Variants in RASGRF2 observed in about 807,000 individuals in gnomAD.
The protein encoded by RASGRF2 is Ras protein specific guanine nucleotide releasing factor 2.
RASGRF2 carries 76 observed loss-of-function variants against 151.0 expected under a neutral mutation model. That is an observed-to-expected ratio of 0.50 (90% CI 0.42 to 0.61). RASGRF2 has a LOEUF of 0.61. Ranked by LOEUF, RASGRF2 falls within the 20% of genes least tolerant of loss-of-function variation. The probability of loss-of-function intolerance (pLI) is 0.00; values close to 1 mark genes in which losing one functional copy is unlikely to be tolerated. For synonymous variants in RASGRF2, 504 were observed against 566.5 expected, an observed-to-expected ratio of 0.89 and a Z score of 1.57; for missense variants, 1,148 against 1,564.6, an observed-to-expected ratio of 0.73 and a Z score of 4.49.
chr5:81,104,498 G>T (rs1422175505), intron 12 of RASGRF2, among the ~76,000 whole-genome samples: 3 of 151,864 alleles, frequency 2.0e-5, no homozygotes, highest in African/African-American at 2.4e-5. Context: ...CATCGTTTTT[G>T]TGATAATTTT....
At chr5:81,184,090 CT>C (rs1754974405) in intron 18 of RASGRF2, among the ~76,000 whole-genome samples, 1 of 152,194 alleles carries the variant, frequency 6.6e-6, no homozygotes, top group South Asian at 2.1e-4. Context: ...AATGTTTCCA[CT>C]GTTCATTCTC....
At chr5:81,083,084 C>T (rs1258131845) in intron 7 of RASGRF2, among the ~76,000 whole-genome samples, 1 of 152,166 alleles carries the variant, frequency 6.6e-6, no homozygotes, top group East Asian at 1.9e-4. Context: ...CCTTACTAAG[C>T]TCACTCTCTC....
chr5:81,035,670 G>A (rs1290863430), intron 1 of RASGRF2, among the ~76,000 whole-genome samples: 1 of 151,902 alleles, frequency 6.6e-6, no homozygotes, highest in Non-Finnish European at 1.5e-5. Context: ...GCTAGATACA[G>A]CTGAATAGAG....
chr5:81,208,385 G>A lies in RASGRF2; in HGVS notation c.3103G>A (p.Asp1035Asn), dbSNP rs753109739. ...EFLGQGWMKL[D>N]KNERTPYIMK... The stretch of plus-strand genomic sequence containing the variant: ...TCTTGGGCAGGGGTGGATGAAGCTG[G>A]ATAAAAACGAAAGAACTCCTTACAT... Residue 1035 changes from aspartate to asparagine, a missense_variant, in exon 22 of 27, where the codon GAT becomes AAT. By Grantham distance (23) the Asp-to-Asn change is conservative. This residue lies in a region of RASGRF2 where 646 missense variants were observed against 807.4 expected (regional missense o/e 0.80). Transcript: ENST00000265080. The A allele has an allele frequency of 3.8e-5, 61 of 1,612,530 alleles. No individual in the cohort carries two copies. The highest frequency in any genetic ancestry group is 5.2e-5 in the Non-Finnish European group (61 of 1,179,230).
intron 23 of RASGRF2, among the ~76,000 whole-genome samples, chr5:81,214,752 G>A (rs902451059): frequency 6.6e-6 from 1 of 152,176 alleles, no homozygotes; most frequent in Admixed American, 6.6e-5. Flanking sequence ...CAGCCACGCT[G>A]CCTGGATGTG....
At chr5:81,140,437 G>C (rs1270724526) in intron 17 of RASGRF2, among the ~76,000 whole-genome samples, 5 of 146,910 alleles carry the variant, frequency 3.4e-5, no homozygotes, top group South Asian at 2.2e-4. Flanking sequence ...CACACACACA[G>C]ACACACACAT....
chr5:81,126,477 T>C (rs568781444), intron 16 of RASGRF2, among the ~76,000 whole-genome samples: 1 of 152,298 alleles, frequency 6.6e-6, no homozygotes, highest in African/African-American at 2.4e-5. Flanking sequence ...ATAACCACTA[T>C]TTAATTCTAG....
chr5:81,005,698 AC>A (rs1428714574), intron 1 of RASGRF2, among the ~76,000 whole-genome samples: 1 of 152,212 alleles, frequency 6.6e-6, no homozygotes, highest in Admixed American at 6.5e-5. Context: ...GCTGCTGTGA[AC>A]ATTCGTGTAG....
At position 81,102,485 on chromosome 5, in the gene RASGRF2, A is replaced by G. The variant is rs1279212859; in HGVS notation, c.1756-6511A>G. Among the ~76,000 whole-genome samples the G allele has an allele frequency of 2.0e-5, 3 of 152,300 alleles. No homozygotes were observed. In the East Asian group the frequency reaches 5.8e-4, roughly 29 times the overall value. On this transcript the variant is annotated intron_variant, in intron 12 of 26. Coordinates refer to ENST00000265080, the MANE Select transcript of RASGRF2 (RefSeq NM_006909.3). ...CAAGGCGGGTGGATCACTTGAGGTC[A>G]GGAGTTTGAGACCAGCCTGGCCAAC...
chr5:81,155,893 G>A (rs1754250212), intron 17 of RASGRF2, among the ~76,000 whole-genome samples: 1 of 152,138 alleles, frequency 6.6e-6, no homozygotes. Flanking sequence ...CTACATTTTA[G>A]CAACATGTTT....
At chr5:81,013,378 A>C (rs1001269423) in intron 1 of RASGRF2, among the ~76,000 whole-genome samples, 25 of 152,152 alleles carry the variant, frequency 1.6e-4, no homozygotes, top group Admixed American at 2.0e-4. Flanking sequence ...TGTTACTCGG[A>C]CATATCTCAG....
chr5:81,060,557 C>T (rs1207593792), intron 2 of RASGRF2, among the ~76,000 whole-genome samples: 1 of 152,154 alleles, frequency 6.6e-6, no homozygotes, highest in Non-Finnish European at 1.5e-5. Flanking sequence ...CTCTCTACTA[C>T]TGTATAAGCT....
intron 1 of RASGRF2, among the ~76,000 whole-genome samples, chr5:80,962,534 A>G (rs1747595773): frequency 6.6e-6 from 1 of 152,128 alleles, no homozygotes; most frequent in Non-Finnish European, 1.5e-5. Context: ...TAAATTACTC[A>G]GGATATATAT....
intron 1 of RASGRF2, among the ~76,000 whole-genome samples, chr5:81,037,641 C>A (rs778819212): frequency 2.0e-5 from 3 of 151,972 alleles, no homozygotes; most frequent in Non-Finnish European, 4.4e-5. Context: ...AAGATCAATA[C>A]AAAATTGTTT....
chr5:81,117,086 C>T (rs1753180998), intron 15 of RASGRF2, among the ~76,000 whole-genome samples: 1 of 152,204 alleles, frequency 6.6e-6, no homozygotes. Flanking sequence ...CGATCACCAA[C>T]TTCCCTAGTT....
intron 1 of RASGRF2, among the ~76,000 whole-genome samples, chr5:81,015,926 T>C (rs79644820): frequency 0.011 from 1,716 of 152,306 alleles, 45 homozygotes; most frequent in African/African-American, 0.039. Context: ...GCAATGGTGT[T>C]TCCAAGCTAA....
chr5:81,063,709 T>C (rs910498276), intron 2 of RASGRF2, among the ~76,000 whole-genome samples: 2 of 152,172 alleles, frequency 1.3e-5, no homozygotes, highest in Non-Finnish European at 2.9e-5. Context: ...TTATTTGACC[T>C]CTCTGACCAC....
At chr5:81,124,473 A>G (rs1176294420) in intron 16 of RASGRF2, among the ~76,000 whole-genome samples, 6 of 152,186 alleles carry the variant, frequency 3.9e-5, no homozygotes, top group Admixed American at 6.5e-5. Context: ...ATGAGTCCCA[A>G]TGTAGTCTGT....
At chr5:81,135,302 C>A (rs1235604980) in intron 17 of RASGRF2, among the ~76,000 whole-genome samples, 2 of 151,984 alleles carry the variant, frequency 1.3e-5, no homozygotes, top group African/African-American at 4.8e-5. Flanking sequence ...AAAACCCTGT[C>A]TAAAAAAATA....
Sources: allele counts gnomAD v4.1 joint callset (sites outside exome capture counted in the v4.1 genomes callset), GRCh38; gene constraint gnomAD v4.1.1; regional missense constraint gnomAD v4.1.1; transcripts MANE v1.5; gene names NCBI Gene and HGNC (gene_info 2026-07-23, HGNC 2026-07-21).